CAST: variants seen among roughly 807,000 people sequenced by gnomAD.
CAST encodes the protein calpastatin.
In CAST, 76 loss-of-function variants were observed where a neutral mutation model predicts 119.6. The observed-to-expected ratio is 0.64, with a 90% CI of 0.53 to 0.77. The LOEUF (loss-of-function observed/expected upper bound fraction) is 0.77. Ranked by LOEUF, CAST falls within the 30% of genes least tolerant of loss-of-function variation. The pLI is 0.00. For synonymous variants in CAST, 319 were observed against 331.6 expected, an observed-to-expected ratio of 0.96 and a Z score of 0.41; for missense variants, 953 against 946.5, an observed-to-expected ratio of 1.01 and a Z score of -0.09.
At chr5:96,364,877 GT>G in the CAST span, among the ~76,000 whole-genome samples, 1 of 152,286 alleles carries the variant, frequency 6.6e-6, no homozygotes, top group East Asian at 1.9e-4. Flanking sequence ...TTTTGAATGT[GT>G]TTGCTCTTGC....
At chr5:96,359,318 T>C in the CAST span, among the ~76,000 whole-genome samples, 1 of 152,244 alleles carries the variant, frequency 6.6e-6, no homozygotes. Context: ...AATTGGGACA[T>C]TTAGCCCATT....
intron 1 of CAST, among the ~76,000 whole-genome samples, chr5:96,646,662 T>C (rs1665953435): frequency 6.6e-6 from 1 of 152,206 alleles, no homozygotes. Flanking sequence ...TGGGGAGGTG[T>C]TGTGGGGCTG....
chr5:96,353,067 C>G, the CAST span, among the ~76,000 whole-genome samples: 6 of 151,954 alleles, frequency 3.9e-5, no homozygotes, highest in African/African-American at 1.2e-4. Flanking sequence ...TGAGCATGGT[C>G]AGGATTTGTG....
At chr5:96,453,065 T>C in the CAST span, among the ~76,000 whole-genome samples, 1 of 151,220 alleles carries the variant, frequency 6.6e-6, no homozygotes, top group Non-Finnish European at 1.5e-5. Flanking sequence ...ATCCCTACAG[T>C]TAAAAAGAAA....
At chr5:96,381,166 A>AGG in the CAST span, among the ~76,000 whole-genome samples, 1 of 152,020 alleles carries the variant, frequency 6.6e-6, no homozygotes, top group Non-Finnish European at 1.5e-5. Flanking sequence ...CACTGAAGAG[A>AGG]TTTGCAAAAA....
At chr5:96,580,974 C>A (rs1746761243) in intron 1 of CAST, among the ~76,000 whole-genome samples, 1 of 152,200 alleles carries the variant, frequency 6.6e-6, no homozygotes, top group African/African-American at 2.4e-5. Flanking sequence ...GAGAAGGCAC[C>A]ATCTATGAGA....
chr5:96,499,029 G>GAAAAAAA, the CAST span, among the ~76,000 whole-genome samples: 3 of 109,720 alleles, frequency 2.7e-5, no homozygotes, highest in East Asian at 2.9e-4. Flanking sequence ...CATTGTGCAG[G>GAAAAAAA]AAAAAAAAAA....
At chr5:95,979,746 C>T in the CAST span, among the ~76,000 whole-genome samples, 3 of 152,118 alleles carry the variant, frequency 2.0e-5, no homozygotes, top group Non-Finnish European at 4.4e-5. Context: ...TAAATCCTTT[C>T]TCTCCCTCAT....
At chr5:96,716,930 G>A (rs1757287437) in intron 3 of CAST, among the ~76,000 whole-genome samples, 2 of 152,174 alleles carry the variant, frequency 1.3e-5, no homozygotes, top group South Asian at 4.1e-4. Flanking sequence ...CTCCCATGGA[G>A]TCCCGGCCAC....
chr5:96,244,517 C>T, the CAST span, among the ~76,000 whole-genome samples: 1 of 144,854 alleles, frequency 6.9e-6, no homozygotes, highest in African/African-American at 2.9e-5. Flanking sequence ...TAAGAAAACT[C>T]ATCATCACCA....
the CAST span, among the ~76,000 whole-genome samples, chr5:96,264,681 C>G: frequency 6.6e-6 from 1 of 152,262 alleles, no homozygotes; most frequent in Non-Finnish European, 1.5e-5. Context: ...TCCTATTCAT[C>G]CTGTGGGCAT....
intron 1 of CAST, among the ~76,000 whole-genome samples, chr5:96,663,395 A>G (rs1266833110): frequency 1.3e-5 from 2 of 152,164 alleles, no homozygotes; most frequent in African/African-American, 2.4e-5. Flanking sequence ...TGCGCGGCGC[A>G]TGCACCTCTC....
chr5:96,700,144 C>T (rs1666849564), intron 3 of CAST, among the ~76,000 whole-genome samples: 1 of 152,132 alleles, frequency 6.6e-6, no homozygotes, highest in Non-Finnish European at 1.5e-5. Context: ...ACATTCAGTG[C>T]CAGCATCAGC....
the CAST span, among the ~76,000 whole-genome samples, chr5:95,977,716 T>TG: frequency 8.3e-3 from 1,258 of 152,232 alleles, 14 homozygotes; most frequent in African/African-American, 0.029. Flanking sequence ...ACTCATGTCA[T>TG]GGGGGTTTGT....
chr5:95,997,514 G>A, the CAST span, among the ~76,000 whole-genome samples: 1 of 152,112 alleles, frequency 6.6e-6, no homozygotes, highest in East Asian at 1.9e-4. Context: ...TGTTTGAGTA[G>A]CTAGGTAAGA....
At chr5:96,646,177 C>T (rs60724441) in intron 1 of CAST, among the ~76,000 whole-genome samples, 1 of 152,194 alleles carries the variant, frequency 6.6e-6, no homozygotes, top group Non-Finnish European at 1.5e-5. Flanking sequence ...CATCGTTGAA[C>T]TGGTGCAAAA....
chr5:96,198,969 C>T, the CAST span, among the ~76,000 whole-genome samples: 1 of 152,122 alleles, frequency 6.6e-6, no homozygotes, highest in Non-Finnish European at 1.5e-5. Context: ...TCATGTCTTA[C>T]TGGTCTTATG....
the CAST span, among the ~76,000 whole-genome samples, chr5:96,287,890 G>GCAT: frequency 2.5e-4 from 38 of 152,180 alleles, no homozygotes; most frequent in African/African-American, 8.2e-4. Context: ...ATCCTACAAA[G>GCAT]GGAGCTTCAG....
At chr5:96,320,228 CTTTTTTTTTTTTT>C in the CAST span, among the ~76,000 whole-genome samples, 42,542 of 98,682 alleles carry the variant, frequency 0.43, 7,019 homozygotes, top group Admixed American at 0.51. Context: ...AAGGCTTTTG[CTTTTTTTTTTTTT>C]TTTTTTTTTT....
Sources: allele counts gnomAD v4.1 joint callset (sites outside exome capture counted in the v4.1 genomes callset), GRCh38; gene constraint gnomAD v4.1.1; transcripts MANE v1.5; gene names NCBI Gene and HGNC (gene_info 2026-07-23, HGNC 2026-07-21).